The following DLL1 variants were observed in gnomAD, a reference collection of about 807,000 sequenced individuals.
DLL1 encodes the protein delta-like protein 1.
Under a neutral mutation model 75.1 loss-of-function variants are expected in DLL1, and 9 were observed. The ratio of observed to expected loss-of-function variants is 0.12; its 90% CI spans 0.07 to 0.21. DLL1 has a LOEUF of 0.21. Among genes scored for constraint, DLL1 ranks in the 10% least tolerant of loss-of-function variants. The pLI is 1.00. For synonymous variants in DLL1, 477 were observed against 418.3 expected, an observed-to-expected ratio of 1.14 and a Z score of -1.71; for missense variants, 837 against 1,007.6, an observed-to-expected ratio of 0.83 and a Z score of 2.29.
At chr6:170,286,939 G>GAAGAAAA in intron 4 of DLL1, among the ~76,000 whole-genome samples, 2 of 152,286 alleles carry the variant, frequency 1.3e-5, no homozygotes, top group African/African-American at 4.8e-5. Flanking sequence ...TTCAGTGTTT[G>GAAGAAAA]AAGAAAAAAG....
rs965154860 is a variant in DLL1 at position 170,285,676 on chromosome 6, C to T, written c.755G>A (p.Arg252Gln). The change falls in exon 6 of 11, where the codon CGG becomes CAG. Residue 252 changes from arginine to glutamine, a missense_variant. Transcript: ENST00000366756. ...ATAGCGGATACACTCGTCACAGTAC[C>T]GGCCCTGCCAGCCCACTCTGCACCT... is the stretch of plus-strand genomic sequence containing the variant. ...ECKCRVGWQG[R>Q]YCDECIRYPG... 79 of 1,613,984 alleles carry T rather than the reference C, an allele frequency of 4.9e-5. No individual in the cohort carries two copies. Among genetic ancestry groups the T allele is most frequent in the Non-Finnish European group, 6.1e-5 (72 of 1,180,038 alleles).
chr6:170,289,037 G>T, intron 2 of DLL1: 1 of 607,182 alleles, frequency 1.6e-6, no homozygotes, highest in Non-Finnish European at 2.9e-6. Context: ...ATATTACGTT[G>T]TTTTTTTAAT....
intron 2 of DLL1, 159 bp downstream of exon 2, chr6:170,289,353 C>A (rs553670731): frequency 8.2e-7 from 1 of 1,216,920 alleles, no homozygotes; most frequent in Non-Finnish European, 1.1e-6. Context: ...CGCTGCTGGG[C>A]TGGAGTCCTG....
At position 170,289,353 on chromosome 6, in the gene DLL1, C is replaced by T. The variant is rs553670731; in HGVS notation, c.351+159G>A. ...GGGGCGAGGTGTCCGCGCTGCTGGG[C>T]TGGAGTCCTGGGGCCGCCGCTAGGC... is the stretch of plus-strand genomic sequence containing the variant. On this transcript the variant is annotated intron_variant, in intron 2 of 10. Coordinates refer to ENST00000366756, the MANE Select transcript of DLL1 (RefSeq NM_005618.4). The T allele has an allele frequency of 4.4e-4, 536 of 1,216,916 alleles. 5 individuals carry two copies. In the Middle Eastern group the frequency reaches 4.7e-3, roughly 11 times the overall value. 75.4% of individuals were successfully genotyped at this position (1,216,916 alleles called of 1,614,324 possible). A position where few individuals can be genotyped will look rare whatever the true frequency, so the allele number is the denominator to read the frequency against.
Position 170,290,846 on chromosome 6 carries a change from A to G in DLL1, c.-707T>C. 2 of 639,814 alleles carry G rather than the reference A, an allele frequency of 3.1e-6. No individual in the cohort carries two copies. Among genetic ancestry groups the G allele is most frequent in the Non-Finnish European group, 5.6e-6 (2 of 355,860 alleles). The allele number at this position is 639,814 out of a possible 1,614,324, so 39.6% of individuals were successfully genotyped here. ...ACCGGAGGGGCCGGGCCGTGGGAGG[A>G]GGCTCTGCGCCGCGGCTGCCCGGGT... On this transcript the variant is annotated 5_prime_UTR_variant, in exon 1 of 11. Transcript: ENST00000366756. This position sits in a 1 kb window ranked among gnomAD's most constrained non-coding sequence, Gnocchi z 4.7.
chr6:170,285,544 G>A, intron 6 of DLL1, 25 bp downstream of exon 6: 2 of 1,614,162 alleles, frequency 1.2e-6, no homozygotes, highest in Non-Finnish European at 1.7e-6. Context: ...GAGGGAGCAG[G>A]CTGCCTCAGG....
chr6:170,284,898 A>G lies in DLL1; in HGVS notation c.1249+21T>C, dbSNP rs943487496. The stretch of plus-strand genomic sequence containing the variant: ...TGACCGCTCGCCCGAGTCTCTGAGC[A>G]ATCACCAGCTGCCCCCTTACCATTA... On this transcript the variant is annotated intron_variant, in intron 8 of 10. Coordinates refer to ENST00000366756, the MANE Select transcript of DLL1 (RefSeq NM_005618.4). 4.3e-6 allele frequency: 7 copies of G among 1,611,914 alleles called. No individual in the cohort carries two copies. In the African/African-American group the frequency reaches 9.3e-5, roughly 22 times the overall value.
Position 170,290,072 on chromosome 6 carries a change from ACCTGCCCG to A in DLL1, c.54+6_54+13del, listed in dbSNP as rs781544862. The A allele has an allele frequency of 1.7e-4, 265 of 1,576,212 alleles. 2 individuals carry two copies. In the Middle Eastern group the frequency reaches 4.7e-3, roughly 28 times the overall value. On this transcript the variant is annotated splice_donor_region_variant and intron_variant, in intron 1 of 10. Transcript: ENST00000366756. This position sits in a 1 kb window ranked among gnomAD's most constrained non-coding sequence, Gnocchi z 4.7. ...GACCCCGCGGGGCCGCGGCGCCCCC[ACCTGCCCG>A]CCTACCTGACACAGCAAGGCCGAGA...
At position 170,290,912 on chromosome 6, in the gene DLL1, G is replaced by C; in HGVS notation, c.-773C>G. The C allele has an allele frequency of 2.9e-6, 2 of 695,552 alleles. No individual in the cohort carries two copies. Among genetic ancestry groups the C allele is most frequent in the South Asian group, 3.0e-5 (2 of 67,344 alleles). 43.1% of individuals were successfully genotyped at this position (695,552 alleles called of 1,614,324 possible). The stretch of plus-strand genomic sequence containing the variant: ...CCTCGGCCGGGTCGGGTCTCCGCGG[G>C]TGCGCGCAGAGGATCTGGCTCTCGC... On this transcript the variant is annotated 5_prime_UTR_variant, in exon 1 of 11. Coordinates refer to ENST00000366756, the MANE Select transcript of DLL1 (RefSeq NM_005618.4). The surrounding 1 kb of genome is among the most constrained non-coding windows in gnomAD (Gnocchi z 4.7).
intron 8 of DLL1, 137 bp from the exon 9 acceptor site, chr6:170,284,166 G>T: frequency 8.7e-7 from 1 of 1,155,882 alleles, no homozygotes; most frequent in African/African-American, 1.5e-5. Context: ...TGAGTCCACA[G>T]CGCAAGGTGA....
rs906456268 is a variant in DLL1, at chr6:170,282,697, G to A, written c.*177C>T. 5.7e-6 allele frequency: 6 copies of A among 1,058,880 alleles called. No homozygotes were observed. The highest frequency in any genetic ancestry group is 1.8e-5 in the Admixed American group (1 of 54,752). 65.6% of individuals were successfully genotyped at this position (1,058,880 alleles called of 1,614,324 possible). The stretch of plus-strand genomic sequence containing the variant: ...GCAGTGCCGCAGGCGGCCGGGCCGC[G>A]ACAGGCTGTCGGCAGGCGTCGAGGA... On this transcript the variant is annotated 3_prime_UTR_variant, in exon 11 of 11. Coordinates refer to ENST00000366756, the MANE Select transcript of DLL1 (RefSeq NM_005618.4).
At chr6:170,288,076 A>T in intron 4 of DLL1, 163 bp downstream of exon 4, 2 of 1,016,118 alleles carry the variant, frequency 2.0e-6, no homozygotes, top group Non-Finnish European at 2.9e-6. Context: ...CCCCCCACTG[A>T]CGAGCTGTGA....
At chr6:170,284,103 A>G in intron 8 of DLL1, 74 bp from the exon 9 acceptor site, 1 of 1,521,710 alleles carries the variant, frequency 6.6e-7, no homozygotes. Context: ...TGAAGCATCT[A>G]TCTGTCTGAC....
Position 170,283,936 on chromosome 6 carries a change from G to A in DLL1, c.1343C>T (p.Ala448Val), listed in dbSNP as rs368066905. 10 of 1,595,798 alleles carry A rather than the reference G, an allele frequency of 6.3e-6. No individual in the cohort carries two copies. The highest frequency in any genetic ancestry group is 1.7e-4 in the Middle Eastern group (1 of 5,836). The change falls in exon 9 of 11, where the codon GCC (alanine) becomes GTC (valine). Residue 448 changes from alanine (A) to valine (V), a missense_variant. Ala to Val is a moderately conservative substitution (Grantham distance 64). Transcript: ENST00000366756. ...GCCCCCGTTGGCGCACGGGGAGGAG[G>A]CGCAGTCGTCCACGTTGTCGTCACA... ...RHCDDNVDDC[A>V]SSPCANGGTC... is the part of the protein sequence containing the mutation.
chr6:170,283,588 G>C lies in DLL1; in HGVS notation c.1691C>G (p.Ala564Gly), dbSNP rs1481540713. ...LVLMLLLGCA[A>G]VVVCVRLRLQ... ...CCTCAGCCGGACGCAGACCACCACA[G>C]CGGCACAGCCCAGCAGCAGCATGAG... The change falls in exon 9 of 11, where the codon GCT becomes GGT. Residue 564 changes from alanine (A) to glycine (G), a missense_variant. Physicochemically the swap from Ala to Gly is moderately conservative, Grantham distance 60. Transcript: ENST00000366756. The C allele has an allele frequency of 1.2e-6, 2 of 1,612,866 alleles. No individual in the cohort carries two copies. The highest frequency in any genetic ancestry group is 1.7e-5 in the Admixed American group (1 of 60,006).
chr6:170,285,504 A>T, intron 6 of DLL1, 65 bp downstream of exon 6: 2 of 1,614,184 alleles, frequency 1.2e-6, no homozygotes, highest in Non-Finnish European at 1.7e-6. Context: ...TCCAGTGATC[A>T]AACAGCCAGG....
intron 5 of DLL1, among the ~76,000 whole-genome samples, chr6:170,286,001 T>G (rs1783687562): frequency 6.6e-6 from 1 of 152,204 alleles, no homozygotes; most frequent in Non-Finnish European, 1.5e-5. Flanking sequence ...CAACTCTTTT[T>G]AAACTACTAT....
Position 170,285,073 on chromosome 6 carries a change from C to G in DLL1, c.1095G>C (p.Leu365Phe). The G allele has an allele frequency of 6.2e-7, 1 of 1,614,144 alleles. No individual in the cohort carries two copies. The highest frequency in any genetic ancestry group is 8.5e-7 in the Non-Finnish European group (1 of 1,180,036). Reference sequence around the variant, plus strand: ...GGCCGTCCGCACAGGTCATGGCACTCAATTCACAGATTTTGCCGTAGAAGC... The same window carrying G: ...GGCCGTCCGCACAGGTCATGGCACTGAATTCACAGATTTTGCCGTAGAAGC... ...PPGFYGKICE[L>F]SAMTCADGPC... Residue 365 changes from leucine to phenylalanine, a missense_variant, in exon 8 of 11, where the codon TTG (leucine) becomes TTC (phenylalanine). Physicochemically the swap from Leu to Phe is conservative, Grantham distance 22 (BLOSUM62 0). Transcript: ENST00000366756.
At position 170,282,744 on chromosome 6, in the gene DLL1, G is replaced by C. The variant is rs1171185459; in HGVS notation, c.*130C>G. 2 of 1,499,702 alleles carry C rather than the reference G, an allele frequency of 1.3e-6. No homozygotes were observed. The highest frequency in any genetic ancestry group is 1.1e-5 in the South Asian group (1 of 88,646). The allele number at this position is 1,499,702 out of a possible 1,614,324, so 92.9% of individuals were successfully genotyped here. On this transcript the variant is annotated 3_prime_UTR_variant, in exon 11 of 11. Coordinates refer to ENST00000366756, the MANE Select transcript of DLL1 (RefSeq NM_005618.4). ...AGGACCTCAGGAGGAGAACCTGCTC[G>C]GTCTGAACTCGGTTTCTCAGCAGCA... is the stretch of plus-strand genomic sequence containing the variant.
Sources: allele counts gnomAD v4.1 joint callset (sites outside exome capture counted in the v4.1 genomes callset), GRCh38; gene constraint gnomAD v4.1.1; non-coding constraint Gnocchi (gnomAD v3.1); transcripts MANE v1.5; gene names NCBI Gene and HGNC (gene_info 2026-07-23, HGNC 2026-07-21).